EPB41: variants seen among roughly 807,000 people sequenced by gnomAD.
EPB41 encodes protein 4.1.
EPB41 carries 65 observed loss-of-function variants against 108.0 expected under a neutral mutation model. That is an observed-to-expected ratio of 0.60 (90% CI 0.49 to 0.74). EPB41 has a LOEUF of 0.74. Among genes scored for constraint, EPB41 ranks in the 30% least tolerant of loss-of-function variants. EPB41 has a pLI of 0.00. For synonymous variants in EPB41, 336 were observed against 358.9 expected (o/e 0.94, Z 0.72); for missense variants, 875 against 1,037.0 (o/e 0.84, Z 2.15).
At chr1:28,930,216 G>T (rs2093670855) in intron 1 of EPB41, among the ~76,000 whole-genome samples, 2 of 145,168 alleles carry the variant, frequency 1.4e-5, no homozygotes, top group African/African-American at 5.1e-5. Context: ...GAGTGCAGTG[G>T]CACCAACATA....
chr1:29,102,539 G>C (rs997594554), intron 17 of EPB41, among the ~76,000 whole-genome samples: 2 of 152,056 alleles, frequency 1.3e-5, no homozygotes, highest in African/African-American at 4.8e-5. Flanking sequence ...AAAACATTTT[G>C]AAGTATTAAA....
intron 1 of EPB41, among the ~76,000 whole-genome samples, chr1:28,904,665 A>G (rs934015999): frequency 6.6e-6 from 1 of 152,064 alleles, no homozygotes; most frequent in African/African-American, 2.4e-5. Flanking sequence ...TGGGAGGCGG[A>G]GGCGGGTGGA....
At chr1:29,089,651 T>G (rs1660482892) in intron 16 of EPB41, among the ~76,000 whole-genome samples, 1 of 152,086 alleles carries the variant, frequency 6.6e-6, no homozygotes, top group Non-Finnish European at 1.5e-5. Context: ...GGCACAGAGA[T>G]AATAGAAAGA....
At chr1:29,049,005 A>G (rs1485930641) in intron 11 of EPB41, among the ~76,000 whole-genome samples, 2 of 152,180 alleles carry the variant, frequency 1.3e-5, no homozygotes, top group Non-Finnish European at 1.5e-5. Flanking sequence ...AAAGATTAAT[A>G]TAACTCTGTA....
chr1:28,908,190 T>A (rs2091976307), intron 1 of EPB41, among the ~76,000 whole-genome samples: 1 of 151,556 alleles, frequency 6.6e-6, no homozygotes, highest in Admixed American at 6.6e-5. Flanking sequence ...TCACCTGAGG[T>A]CAGGAGTTCG....
intron 1 of EPB41, among the ~76,000 whole-genome samples, chr1:28,948,234 C>T (rs1256240103): frequency 6.6e-6 from 1 of 152,092 alleles, no homozygotes; most frequent in Non-Finnish European, 1.5e-5. Context: ...GTGAAGCAGG[C>T]TGGGCGTGGT....
chr1:28,933,188 T>A (rs1287521624), intron 1 of EPB41, among the ~76,000 whole-genome samples: 3 of 152,198 alleles, frequency 2.0e-5, no homozygotes, highest in African/African-American at 7.2e-5. Flanking sequence ...TTCACTATAT[T>A]TTGATGATAA....
At position 29,115,905 on chromosome 1, in the gene EPB41, G is replaced by A. The variant is rs1670784502; in HGVS notation, c.*6+102G>A. The A allele has an allele frequency of 2.3e-6, 2 of 879,458 alleles. No homozygotes were observed. The highest frequency in any genetic ancestry group is 3.8e-6 in the Non-Finnish European group (2 of 529,486). 54.5% of individuals were successfully genotyped at this position (879,458 alleles called of 1,614,324 possible). On this transcript the variant is annotated intron_variant, in intron 20 of 20. Transcript: ENST00000343067. This position sits in a 1 kb window ranked among gnomAD's most constrained non-coding sequence, Gnocchi z 4.4. Reference sequence around the variant, plus strand: ...CACTGGGAGCCCATCCCCACAAAGAGGTGTTCACCCTGGGACTTGATAAAG... The same window carrying A: ...CACTGGGAGCCCATCCCCACAAAGAAGTGTTCACCCTGGGACTTGATAAAG...
In EPB41 at chr1:29,067,176, G is replaced by A. The variant is rs562493047; in HGVS notation, c.2184+2018G>A. 1.3e-3 allele frequency among the ~76,000 whole-genome samples: 186 copies of A among 147,908 alleles called. 1 individual carries two copies. Among genetic ancestry groups the A allele is most frequent in the Non-Finnish European group, 2.1e-3 (144 of 67,150 alleles). On this transcript the variant is annotated intron_variant, in intron 16 of 20. Coordinates refer to ENST00000343067, the MANE Select transcript of EPB41 (RefSeq NM_001376013.1). ...TTGAGACCAGCCTGGCCAACATGGC[G>A]AAACCCCATCTCTACTAAAAATACA...
chr1:29,111,659 T>A (rs903839083), intron 18 of EPB41, among the ~76,000 whole-genome samples: 80 of 137,696 alleles, frequency 5.8e-4, no homozygotes, highest in African/African-American at 1.7e-3. Context: ...TCTCAAAAAA[T>A]AAATAAATAA....
intron 5 of EPB41, among the ~76,000 whole-genome samples, chr1:29,012,641 AAATGC>A (rs1466749866): frequency 2.0e-5 from 3 of 152,356 alleles, no homozygotes; most frequent in African/African-American, 7.2e-5. Flanking sequence ...AACTTCCAGG[AAATGC>A]AATAGTTGTT....
chr1:29,111,146 A>C (rs1469237568), intron 18 of EPB41, among the ~76,000 whole-genome samples: 1 of 151,928 alleles, frequency 6.6e-6, no homozygotes, highest in East Asian at 1.9e-4. Context: ...TAGCCTGAGC[A>C]ACAGAGCAAG....
At chr1:29,022,566 C>CGA (rs564430819) in intron 7 of EPB41, among the ~76,000 whole-genome samples, 1 of 151,304 alleles carries the variant, frequency 6.6e-6, no homozygotes, top group African/African-American at 2.4e-5. Context: ...ACTAAAAATA[C>CGA]AAAAATTAGC....
At chr1:28,964,728 C>T (rs1367249193) in intron 1 of EPB41, among the ~76,000 whole-genome samples, 1 of 152,170 alleles carries the variant, frequency 6.6e-6, no homozygotes, top group Non-Finnish European at 1.5e-5. Flanking sequence ...CTAATCTACC[C>T]TTGCCTGGTC....
intron 17 of EPB41, among the ~76,000 whole-genome samples, chr1:29,102,157 C>T (rs1665645961): frequency 6.6e-6 from 1 of 152,118 alleles, no homozygotes; most frequent in Non-Finnish European, 1.5e-5. Context: ...TGGCAGAATC[C>T]CTTTAAGTTG....
At chr1:29,088,784 GGGT>G (rs1660176738) in intron 16 of EPB41, among the ~76,000 whole-genome samples, 2 of 152,048 alleles carry the variant, frequency 1.3e-5, no homozygotes, top group African/African-American at 4.8e-5. Context: ...AGTTAAAGTC[GGGT>G]TTGCTGTGTG....
At chr1:29,017,336 A>G (rs2096590383) in intron 6 of EPB41, among the ~76,000 whole-genome samples, 1 of 152,204 alleles carries the variant, frequency 6.6e-6, no homozygotes, top group Non-Finnish European at 1.5e-5. Flanking sequence ...TAATTTAGGA[A>G]TTGTCAATTT....
Position 29,015,908 on chromosome 1 carries a change from A to G in EPB41, c.905+141A>G, listed in dbSNP as rs2096572061. 3 of 630,896 alleles carry G rather than the reference A, an allele frequency of 4.8e-6. No homozygotes were observed. The South Asian group carries it at 6.2e-5, about 13-fold the overall frequency. The allele number at this position is 630,896 out of a possible 1,614,324, so 39.1% of individuals were successfully genotyped here. ...TGATATTAAGTAGCCTAGGATTGAA[A>G]GTTTCTGGTCACTTCAAGGCAGGCA... On this transcript the variant is annotated intron_variant, in intron 6 of 20. Coordinates refer to ENST00000343067, the MANE Select transcript of EPB41 (RefSeq NM_001376013.1).
intron 1 of EPB41, among the ~76,000 whole-genome samples, chr1:28,955,896 A>C (rs1349498207): frequency 6.6e-6 from 1 of 152,236 alleles, no homozygotes; most frequent in Non-Finnish European, 1.5e-5. Flanking sequence ...TTTTCAGAAA[A>C]ATCATAGTTA....
Sources: gnomAD v4.1 joint callset for allele counts (sites outside exome capture counted in the v4.1 genomes callset) on GRCh38, gnomAD v4.1.1 for gene constraint, Gnocchi (gnomAD v3.1) non-coding constraint, MANE v1.5 for transcripts, NCBI Gene and HGNC (gene_info 2026-07-23, HGNC 2026-07-21) for gene names.